The following RHOJ variants were observed in gnomAD, a reference collection of about 807,000 sequenced individuals.
RHOJ encodes rho-related GTP-binding protein RhoJ.
In RHOJ, 11 loss-of-function variants were observed where a neutral mutation model predicts 23.4. The ratio of observed to expected loss-of-function variants is 0.47; its 90% confidence interval spans 0.30 to 0.78. The LOEUF (loss-of-function observed/expected upper bound fraction) is 0.78. Ranked by LOEUF, RHOJ falls within the 30% of genes least tolerant of loss-of-function variation. The probability of loss-of-function intolerance (pLI) is 0.08; values close to 1 mark genes in which losing one functional copy is unlikely to be tolerated. For missense variants in RHOJ, 254 were observed against 273.4 expected, an observed-to-expected ratio of 0.93 and a Z score of 0.50; for synonymous variants, 102 against 102.7, an observed-to-expected ratio of 0.99 and a Z score of 0.04.
At chr14:63,224,951 CTTTT>C (rs34008880) in intron 1 of RHOJ, among the ~76,000 whole-genome samples, 4 of 113,814 alleles carry the variant, frequency 3.5e-5, no homozygotes. Context: ...ATCATTTATA[CTTTT>C]TTTTTTTTTT....
chr14:63,206,779 T>C (rs1193114862), intron 1 of RHOJ, among the ~76,000 whole-genome samples: 1 of 152,196 alleles, frequency 6.6e-6, no homozygotes, highest in East Asian at 1.9e-4. Context: ...ATACTTACTA[T>C]TGTTGAGCAT....
At chr14:63,211,567 A>T (rs1216127261) in intron 1 of RHOJ, among the ~76,000 whole-genome samples, 1 of 152,252 alleles carries the variant, frequency 6.6e-6, no homozygotes, top group Non-Finnish European at 1.5e-5. Flanking sequence ...AAATCTGGGT[A>T]AATGGTATAT....
chr14:63,204,508 T>A lies in RHOJ; in HGVS notation c.-362T>A, dbSNP rs993840594. The A allele has an allele frequency of 4.6e-6, 1 of 216,352 alleles. No individual in the cohort carries two copies. The highest frequency in any genetic ancestry group is 9.2e-6 in the Non-Finnish European group (1 of 109,100). The allele number at this position is 216,352 out of a possible 1,614,324, so 13.4% of individuals were successfully genotyped here. ...GAAAATGAGAAAGATTTAGCAAAAT[T>A]CCACCGTATCTTTTGCCAGGCTAGA... On this transcript the variant is annotated 5_prime_UTR_variant, in exon 1 of 5. Transcript: ENST00000316754.
chr14:63,269,203 G>C, intron 2 of RHOJ, 35 bp downstream of exon 2: 1 of 1,486,474 alleles, frequency 6.7e-7, no homozygotes, highest in Non-Finnish European at 9.4e-7. Context: ...TTGGAGGGCG[G>C]TGGTGTAGGG....
intron 2 of RHOJ, among the ~76,000 whole-genome samples, chr14:63,270,646 C>G (rs1895451915): frequency 6.6e-6 from 1 of 152,222 alleles, no homozygotes; most frequent in African/African-American, 2.4e-5. Flanking sequence ...CTAATTCACT[C>G]ACATAATCAC....
chr14:63,230,718 C>T (rs1479296301), intron 1 of RHOJ, among the ~76,000 whole-genome samples: 1 of 147,566 alleles, frequency 6.8e-6, no homozygotes, highest in East Asian at 2.5e-4. Context: ...CACACACACA[C>T]ATACACACTT....
chr14:63,219,814 C>CA (rs35915504), intron 1 of RHOJ, among the ~76,000 whole-genome samples: 6 of 129,708 alleles, frequency 4.6e-5, no homozygotes, highest in African/African-American at 1.1e-4. Flanking sequence ...GATTGCATCT[C>CA]AAAAAAAAAA....
At chr14:63,228,857 G>T (rs1458073985) in intron 1 of RHOJ, among the ~76,000 whole-genome samples, 1 of 152,136 alleles carries the variant, frequency 6.6e-6, no homozygotes, top group African/African-American at 2.4e-5. Flanking sequence ...AATTTTTGAA[G>T]GACCTCATGG....
chr14:63,247,590 C>G (rs553128996), intron 1 of RHOJ, among the ~76,000 whole-genome samples: 3 of 152,298 alleles, frequency 2.0e-5, no homozygotes, highest in Non-Finnish European at 4.4e-5. Context: ...CTTATTCCCA[C>G]TTATGAAAGT....
intron 2 of RHOJ, among the ~76,000 whole-genome samples, chr14:63,277,119 G>A (rs1881742828): frequency 1.3e-5 from 2 of 152,194 alleles, no homozygotes; most frequent in African/African-American, 2.4e-5. Flanking sequence ...GGTCACAATT[G>A]AGAGCCAGAG....
At chr14:63,231,547 G>A (rs67212716) in intron 1 of RHOJ, among the ~76,000 whole-genome samples, 16,590 of 152,144 alleles carry the variant, frequency 0.11, 1,095 homozygotes, top group African/African-American at 0.17. Context: ...ACACATGTAC[G>A]GTGGTCAAAA....
chr14:63,217,440 A>C (rs1894389382), intron 1 of RHOJ, among the ~76,000 whole-genome samples: 1 of 152,134 alleles, frequency 6.6e-6, no homozygotes, highest in Non-Finnish European at 1.5e-5. Context: ...GCAATGGGGA[A>C]AGGATTCCCT....
chr14:63,204,995 C>A lies in RHOJ; in HGVS notation c.126C>A (p.Ala42=). Residue 42 remains alanine (A), a synonymous_variant, in exon 1 of 5, where the codon GCC becomes GCA. Coordinates refer to ENST00000316754, the MANE Select transcript of RHOJ (RefSeq NM_020663.5). Reference sequence around the variant, plus strand: ...AAACCTGCCTGCTGATGAGCTACGCCAACGACGCCTTCCCAGAGGAATACG... The same window carrying A: ...AAACCTGCCTGCTGATGAGCTACGCAAACGACGCCTTCCCAGAGGAATACG... ...VGKTCLLMSY[A]NDAFPEEYVP... The A allele has an allele frequency of 6.2e-7, 1 of 1,614,186 alleles. No individual in the cohort carries two copies. The highest frequency in any genetic ancestry group is 8.5e-7 in the Non-Finnish European group (1 of 1,180,034).
intron 1 of RHOJ, among the ~76,000 whole-genome samples, chr14:63,249,544 A>G (rs934008846): frequency 6.6e-6 from 1 of 152,234 alleles, no homozygotes; most frequent in Non-Finnish European, 1.5e-5. Context: ...GTTTGCAAGG[A>G]TATTAGTTTT....
chr14:63,286,211 G>A (rs1448920814), intron 4 of RHOJ, among the ~76,000 whole-genome samples: 1 of 152,144 alleles, frequency 6.6e-6, no homozygotes, highest in Admixed American at 6.5e-5. Context: ...CTTGGTCATT[G>A]AAAGTCACTT....
intron 1 of RHOJ, among the ~76,000 whole-genome samples, chr14:63,264,299 C>T (rs1395365631): frequency 1.3e-5 from 2 of 152,160 alleles, no homozygotes; most frequent in African/African-American, 4.8e-5. Context: ...CATTAATTAG[C>T]TTATGATAAT....
At chr14:63,252,858 C>A (rs1895095874) in intron 1 of RHOJ, among the ~76,000 whole-genome samples, 1 of 152,090 alleles carries the variant, frequency 6.6e-6, no homozygotes, top group Non-Finnish European at 1.5e-5. Flanking sequence ...AGCAACCCTC[C>A]CACTTCGGCC....
At chr14:63,251,062 A>C (rs1339686767) in intron 1 of RHOJ, among the ~76,000 whole-genome samples, 2 of 152,106 alleles carry the variant, frequency 1.3e-5, no homozygotes, top group Non-Finnish European at 2.9e-5. Context: ...AATTAATTTA[A>C]AAAATTAAAA....
chr14:63,216,056 A>T (rs1894349117), intron 1 of RHOJ, among the ~76,000 whole-genome samples: 1 of 152,228 alleles, frequency 6.6e-6, no homozygotes. Flanking sequence ...AAGCACCATG[A>T]GCATACATTA....
Sources: allele counts gnomAD v4.1 joint callset (sites outside exome capture counted in the v4.1 genomes callset), GRCh38; gene constraint gnomAD v4.1.1; transcripts MANE v1.5; gene names NCBI Gene and HGNC (gene_info 2026-07-23, HGNC 2026-07-21).